The following LMBR1 variants were observed in gnomAD, a reference collection of about 807,000 sequenced individuals.
LMBR1 encodes the protein limb development membrane protein 1.
Under a neutral mutation model 73.9 loss-of-function variants are expected in LMBR1, and 52 were observed. That is an observed-to-expected ratio of 0.70 (90% CI 0.56 to 0.89). LMBR1 has a LOEUF of 0.89. Ranked by LOEUF, LMBR1 falls within the 40% of genes least tolerant of loss-of-function variation. LMBR1 has a pLI of 0.00. For synonymous variants in LMBR1, 215 were observed against 209.4 expected (o/e 1.03, Z -0.23); for missense variants, 539 against 579.8 (o/e 0.93, Z 0.72).
intron 5 of LMBR1, among the ~76,000 whole-genome samples, chr7:156,789,008 T>C (rs766572522): frequency 4.6e-5 from 7 of 152,078 alleles, no homozygotes; most frequent in African/African-American, 7.2e-5. Context: ...GATCTCGCCA[T>C]TGCACTCCAG....
intron 9 of LMBR1, 41 bp downstream of exon 9, chr7:156,756,352 A>C (rs1323994511): frequency 1.0e-6 from 1 of 961,208 alleles, no homozygotes; most frequent in East Asian, 2.4e-5. Context: ...GAAATTAAAA[A>C]GATTTTTTTA....
intron 1 of LMBR1, among the ~76,000 whole-genome samples, chr7:156,885,745 G>A (rs1307482632): frequency 6.6e-6 from 1 of 152,148 alleles, no homozygotes; most frequent in Non-Finnish European, 1.5e-5. Context: ...CGGGCATGGT[G>A]GCAGGCACCT....
At position 156,793,679 on chromosome 7, in the gene LMBR1, T is replaced by TA. The variant is rs201558578; in HGVS notation, c.423+2709dup. Among the ~76,000 whole-genome samples the TA allele has an allele frequency of 4.2e-3, 637 of 152,304 alleles. 1 individual carries two copies. Among genetic ancestry groups the TA allele is most frequent in the African/African-American group, 0.014 (577 of 41,568 alleles). ...GTGATAATAAGTATTCTAGAAAACT[T>TA]ATTAGTGATTAGTGATATTTTATAG... On this transcript the variant is annotated intron_variant, in intron 5 of 16. Coordinates refer to ENST00000353442, the MANE Select transcript of LMBR1 (RefSeq NM_022458.4).
At chr7:156,840,114 C>G (rs924519098) in intron 1 of LMBR1, among the ~76,000 whole-genome samples, 5 of 152,150 alleles carry the variant, frequency 3.3e-5, no homozygotes, top group Admixed American at 2.6e-4. Context: ...TAAATTCATT[C>G]ACATTTTATT....
intron 4 of LMBR1, chr7:156,824,052 T>C (rs113815756): frequency 0.068 from 10,282 of 152,274 alleles, 441 homozygotes; most frequent in African/African-American, 0.11. Context: ...ATCGCACCAC[T>C]GCACCCCAGC....
intron 5 of LMBR1, among the ~76,000 whole-genome samples, chr7:156,774,899 C>G (rs575922440): frequency 6.6e-6 from 1 of 152,110 alleles, no homozygotes; most frequent in Admixed American, 6.5e-5. Flanking sequence ...TTGTCCTAAG[C>G]GAACTAATGC....
intron 4 of LMBR1, among the ~76,000 whole-genome samples, chr7:156,820,785 A>G (rs900500771): frequency 6.6e-6 from 1 of 152,210 alleles, no homozygotes; most frequent in African/African-American, 2.4e-5. Flanking sequence ...TTTTGAGTAC[A>G]GCCCAGAAGG....
rs1221440489 is a variant in LMBR1 at position 156,719,874 on chromosome 7, G to A, written c.1225+4238C>T. On this transcript the variant is annotated intron_variant, in intron 15 of 16. Transcript: ENST00000353442. Reference sequence around the variant, plus strand: ...TGGGGAAAGGATTCCCTATTTAATAGATGGTGCTGGGAAAACTGGCTAGCC... The same window carrying A: ...TGGGGAAAGGATTCCCTATTTAATAAATGGTGCTGGGAAAACTGGCTAGCC... Among the ~76,000 whole-genome samples, 34 of 151,604 alleles carry A rather than the reference G, an allele frequency of 2.2e-4. No individual in the cohort carries two copies. The South Asian group carries it at 2.3e-3, about 10-fold the overall frequency.
intron 15 of LMBR1, among the ~76,000 whole-genome samples, chr7:156,706,292 A>C (rs1363879209): frequency 6.6e-6 from 1 of 152,206 alleles, no homozygotes; most frequent in Non-Finnish European, 1.5e-5. Context: ...TACTACAGCT[A>C]AAGAAAGAGG....
intron 1 of LMBR1, among the ~76,000 whole-genome samples, chr7:156,857,452 G>A (rs1017977049): frequency 5.3e-5 from 8 of 152,160 alleles, no homozygotes; most frequent in African/African-American, 1.9e-4. Flanking sequence ...CAAAATACGT[G>A]AGGTGAAAAT....
At chr7:156,804,284 C>T (rs1831585831) in intron 4 of LMBR1, among the ~76,000 whole-genome samples, 1 of 152,216 alleles carries the variant, frequency 6.6e-6, no homozygotes, top group Admixed American at 6.5e-5. Context: ...TATTGGACTG[C>T]ATCCATTCAC....
At position 156,708,570 on chromosome 7, in the gene LMBR1, G is replaced by A. The variant is rs1218964315; in HGVS notation, c.1225+15542C>T. 2.0e-5 allele frequency among the ~76,000 whole-genome samples: 3 copies of A among 152,276 alleles called. No individual in the cohort carries two copies. The East Asian group carries it at 5.8e-4, about 29-fold the overall frequency. The stretch of plus-strand genomic sequence containing the variant: ...TTGGGGAAGGCAGCCAGTGGAATTA[G>A]GGTGGGGTTACAGGATGAAAGAAGC... On this transcript the variant is annotated intron_variant, in intron 15 of 16. Coordinates refer to ENST00000353442, the MANE Select transcript of LMBR1 (RefSeq NM_022458.4).
intron 1 of LMBR1, among the ~76,000 whole-genome samples, chr7:156,861,020 G>A (rs531747862): frequency 2.2e-4 from 33 of 152,334 alleles, no homozygotes; most frequent in Non-Finnish European, 3.8e-4. Context: ...CTGGAGGATG[G>A]TGGCCCTCTT....
At chr7:156,826,772 A>G (rs1172065120) in intron 3 of LMBR1, 28 bp from the exon 4 acceptor site, 1 of 1,581,884 alleles carries the variant, frequency 6.3e-7, no homozygotes, top group East Asian at 2.2e-5. Flanking sequence ...CACCATCACA[A>G]GTGATCTGAA....
chr7:156,703,190 C>T (rs1810174681), intron 15 of LMBR1, among the ~76,000 whole-genome samples: 2 of 152,170 alleles, frequency 1.3e-5, no homozygotes, highest in South Asian at 4.1e-4. Context: ...CAGTAAGATG[C>T]CATTCTTGAT....
intron 1 of LMBR1, among the ~76,000 whole-genome samples, chr7:156,839,632 C>A (rs527879587): frequency 1.3e-5 from 2 of 152,080 alleles, no homozygotes; most frequent in Admixed American, 1.3e-4. Flanking sequence ...AACTTTGGAC[C>A]AGGATAGTGG....
chr7:156,725,112 C>G (rs985817887), intron 14 of LMBR1, among the ~76,000 whole-genome samples: 2 of 152,158 alleles, frequency 1.3e-5, no homozygotes, highest in African/African-American at 4.8e-5. Flanking sequence ...AACAAGCTCC[C>G]TGAAGTACAG....
chr7:156,683,608 T>A lies in LMBR1; in HGVS notation c.*470A>T, dbSNP rs1013335582. ...TGCAAAAATGATATCTACAAGCAGT[T>A]GCCATTGCATTTGAAAAATGCATTT... On this transcript the variant is annotated 3_prime_UTR_variant, in exon 17 of 17. Transcript: ENST00000353442. The A allele has an allele frequency of 6.5e-5, 10 of 152,854 alleles. No homozygotes were observed. The highest frequency in any genetic ancestry group is 2.4e-4 in the African/African-American group (10 of 41,486). 9.5% of individuals were successfully genotyped at this position (152,854 alleles called of 1,614,324 possible). A position where few individuals can be genotyped will look rare whatever the true frequency, so the allele number is the denominator to read the frequency against.
At chr7:156,710,579 A>T (rs571613146) in intron 15 of LMBR1, among the ~76,000 whole-genome samples, 5 of 152,238 alleles carry the variant, frequency 3.3e-5, no homozygotes, top group Admixed American at 6.5e-5. Flanking sequence ...AAGAAGAGAA[A>T]TCTAAAAGTT....
Sources: allele counts gnomAD v4.1 joint callset (sites outside exome capture counted in the v4.1 genomes callset), GRCh38; gene constraint gnomAD v4.1.1; transcripts MANE v1.5; gene names NCBI Gene and HGNC (gene_info 2026-07-23, HGNC 2026-07-21).